MEF2D: variants seen among roughly 807,000 people sequenced by gnomAD.
The protein encoded by MEF2D is myocyte-specific enhancer factor 2D.
MEF2D carries 10 observed loss-of-function variants against 59.3 expected under a neutral mutation model. The observed-to-expected ratio is 0.17, with a 90% CI of 0.10 to 0.29. The LOEUF (loss-of-function observed/expected upper bound fraction) is 0.29, where lower values mean the gene tolerates loss of function less well. Ranked by LOEUF, MEF2D falls within the 10% of genes least tolerant of loss-of-function variation. The pLI is 1.00. For missense variants in MEF2D, 508 were observed against 699.4 expected, an observed-to-expected ratio of 0.73 and a Z score of 3.09; for synonymous variants, 305 against 295.0, an observed-to-expected ratio of 1.03 and a Z score of -0.35.
chr1:156,485,401 T>A (rs1328029270), intron 1 of MEF2D, among the ~76,000 whole-genome samples: 2 of 152,020 alleles, frequency 1.3e-5, no homozygotes, highest in African/African-American at 4.8e-5. Flanking sequence ...ACTGGCCCCA[T>A]CCCATTACCA....
Position 156,468,211 on chromosome 1 carries a change from T to G in MEF2D, c.1336A>C (p.Ser446Arg). The change falls in exon 11 of 12, where the codon AGC becomes CGC. Residue 446 changes from serine (S) to arginine (R), a missense_variant. Coordinates refer to ENST00000348159, the MANE Select transcript of MEF2D (RefSeq NM_005920.4). The surrounding 1 kb of genome is among the most constrained non-coding windows in gnomAD (Gnocchi z 4.3). ...ISIKSEPVSP[S>R]RERSPAPPPP... is the part of the protein sequence containing the mutation. ...GGAGGCGCAGGGCTGCGCTCACGGC[T>G]TGGGGACACCGGTTCTGACTTGATG... 1.2e-6 allele frequency: 2 copies of G among 1,612,650 alleles called. No individual in the cohort carries two copies. The highest frequency in any genetic ancestry group is 1.7e-6 in the Non-Finnish European group (2 of 1,179,140).
chr1:156,467,966 C>T, intron 11 of MEF2D, 27 bp downstream of exon 11: 1 of 1,592,178 alleles, frequency 6.3e-7, no homozygotes. Context: ...CAGACACTGG[C>T]AGACAGGAGA....
chr1:156,470,405 C>T (rs549392109), intron 9 of MEF2D, among the ~76,000 whole-genome samples: 9 of 147,874 alleles, frequency 6.1e-5, no homozygotes, highest in South Asian at 2.1e-4. Flanking sequence ...GGCAACAGAG[C>T]GAGACTCTGT....
At position 156,468,448 on chromosome 1, in the gene MEF2D, G is replaced by A. The variant is rs141938024; in HGVS notation, c.1248-149C>T. 4.5e-4 allele frequency: 288 copies of A among 637,590 alleles called. 1 individual carries two copies. In the East Asian group the frequency reaches 8.0e-3, roughly 18 times the overall value. The allele number at this position is 637,590 out of a possible 1,614,324, so 39.5% of individuals were successfully genotyped here. A position where few individuals can be genotyped will look rare whatever the true frequency, so the allele number is the denominator to read the frequency against. On this transcript the variant is annotated intron_variant, in intron 10 of 11. Transcript: ENST00000348159. The surrounding 1 kb of genome is among the most constrained non-coding windows in gnomAD (Gnocchi z 4.3). The stretch of plus-strand genomic sequence containing the variant: ...GGTGTTGGGGAGAGGCAATTGGATG[G>A]AGAGTGATCAGAAGAGGGTCGAATG...
rs1187054435 is a variant in MEF2D at position 156,464,695 on chromosome 1, C to G, written c.*2950G>C. The G allele has an allele frequency of 6.6e-6, 1 of 152,234 alleles. No homozygotes were observed. Among genetic ancestry groups the G allele is most frequent in the Non-Finnish European group, 1.5e-5 (1 of 68,058 alleles). 9.4% of individuals were successfully genotyped at this position (152,234 alleles called of 1,614,324 possible). A position where few individuals can be genotyped will look rare whatever the true frequency, so the allele number is the denominator to read the frequency against. ...CCAAGAGAAACCTTCGGATACTGAA[C>G]TGCAGAAATGTCACATATTCACAGA... On this transcript the variant is annotated 3_prime_UTR_variant, in exon 12 of 12. Coordinates refer to ENST00000348159, the MANE Select transcript of MEF2D (RefSeq NM_005920.4).
At chr1:156,498,101 TAA>T (rs5777987) in intron 1 of MEF2D, among the ~76,000 whole-genome samples, 487 of 56,032 alleles carry the variant, frequency 8.7e-3, no homozygotes, top group Middle Eastern at 0.04. Context: ...CAGGAAAGAT[TAA>T]AAAAAAAAAA....
In MEF2D at chr1:156,467,565, G is replaced by A. The variant is rs1670928904; in HGVS notation, c.*80C>T. ...GAAAGGAAGTGGGGGTCGAGCGGGA[G>A]GAGCCCGGGGCAGGGAAGGGCGGGC... On this transcript the variant is annotated 3_prime_UTR_variant, in exon 12 of 12. Transcript: ENST00000348159. 4 of 1,195,592 alleles carry A rather than the reference G, an allele frequency of 3.3e-6. No individual in the cohort carries two copies. The Admixed American group carries it at 1.2e-4, about 37-fold the overall frequency. 74.1% of individuals were successfully genotyped at this position (1,195,592 alleles called of 1,614,324 possible).
Position 156,467,555 on chromosome 1 carries a change from T to A in MEF2D, c.*90A>T. 1 of 1,040,268 alleles carries A rather than the reference T, an allele frequency of 9.6e-7. No homozygotes were observed. Among genetic ancestry groups the A allele is most frequent in the Non-Finnish European group, 1.3e-6 (1 of 773,546 alleles). 64.4% of individuals were successfully genotyped at this position (1,040,268 alleles called of 1,614,324 possible). A position where few individuals can be genotyped will look rare whatever the true frequency, so the allele number is the denominator to read the frequency against. On this transcript the variant is annotated 3_prime_UTR_variant, in exon 12 of 12. Transcript: ENST00000348159. ...CGAAGCACAAGAAAGGAAGTGGGGG[T>A]CGAGCGGGAGGAGCCCGGGGCAGGG...
intron 1 of MEF2D, among the ~76,000 whole-genome samples, chr1:156,492,156 C>T (rs1254415664): frequency 6.6e-6 from 1 of 152,240 alleles, no homozygotes; most frequent in Non-Finnish European, 1.5e-5. Context: ...GAATCCCATT[C>T]CCCTCTTTAG....
intron 4 of MEF2D, 160 bp downstream of exon 4, chr1:156,480,674 A>G: frequency 6.4e-7 from 1 of 1,567,522 alleles, no homozygotes; most frequent in Non-Finnish European, 8.6e-7. Context: ...CATTTTATCA[A>G]ACTCCTCGTC....
chr1:156,486,600 T>G (rs1672379150), intron 1 of MEF2D, among the ~76,000 whole-genome samples: 1 of 152,228 alleles, frequency 6.6e-6, no homozygotes, highest in Admixed American at 6.5e-5. Context: ...TGACCAATAC[T>G]GCCTCTTCCT....
At chr1:156,484,785 G>A (rs1205429600) in intron 1 of MEF2D, among the ~76,000 whole-genome samples, 1 of 152,184 alleles carries the variant, frequency 6.6e-6, no homozygotes, top group African/African-American at 2.4e-5. Context: ...GGGGGCTCAA[G>A]GATGGCAGCA....
At chr1:156,484,303 T>C (rs927148666) in intron 1 of MEF2D, 6 of 152,334 alleles carry the variant, frequency 3.9e-5, no homozygotes, top group South Asian at 2.1e-4. Flanking sequence ...TTGGGCCAGA[T>C]AGTAATATTT....
chr1:156,486,053 T>C (rs1489462068), intron 1 of MEF2D, among the ~76,000 whole-genome samples: 2 of 152,138 alleles, frequency 1.3e-5, no homozygotes, highest in African/African-American at 4.8e-5. Context: ...TTTCACCATG[T>C]TGGACAGGTT....
rs1317997312 is a variant in MEF2D at position 156,500,647 on chromosome 1, C to T, written c.-300G>A. ...CTGGGCGGCGCCGTGAGGCCTGGGCCCCCGTCGTGGGCGCGGGGGCCAGCA... is the reference window on the plus strand; with the variant it reads ...CTGGGCGGCGCCGTGAGGCCTGGGCTCCCGTCGTGGGCGCGGGGGCCAGCA... On this transcript the variant is annotated 5_prime_UTR_variant, in exon 1 of 12. Transcript: ENST00000348159. The T allele has an allele frequency of 6.6e-6, 1 of 151,866 alleles. No individual in the cohort carries two copies. Among genetic ancestry groups the T allele is most frequent in the Admixed American group, 6.6e-5 (1 of 15,258 alleles). The allele number at this position is 151,866 out of a possible 1,614,324, so 9.4% of individuals were successfully genotyped here.
intron 9 of MEF2D, among the ~76,000 whole-genome samples, chr1:156,469,624 C>T (rs1256960871): frequency 6.6e-6 from 1 of 150,408 alleles, no homozygotes; most frequent in Non-Finnish European, 1.5e-5. Context: ...GCGAGTGGCT[C>T]ATGTCTATAA....
Position 156,464,712 on chromosome 1 carries a change from A to G in MEF2D, c.*2933T>C, listed in dbSNP as rs1571204270. ...ATACTGAACTGCAGAAATGTCACATATTCACAGACCACCCCATCCCCAGGG... is the reference window on the plus strand; with the variant it reads ...ATACTGAACTGCAGAAATGTCACATGTTCACAGACCACCCCATCCCCAGGG... On this transcript the variant is annotated 3_prime_UTR_variant, in exon 12 of 12. Transcript: ENST00000348159. 1.3e-5 allele frequency: 2 copies of G among 152,320 alleles called. No individual in the cohort carries two copies. The highest frequency in any genetic ancestry group is 3.9e-4 in the East Asian group (2 of 5,174). 9.4% of individuals were successfully genotyped at this position (152,320 alleles called of 1,614,324 possible). A position where few individuals can be genotyped will look rare whatever the true frequency, so the allele number is the denominator to read the frequency against.
rs549483425 is a variant in MEF2D at position 156,496,651 on chromosome 1, T to G, written c.-139+3835A>C. Among the ~76,000 whole-genome samples the G allele has an allele frequency of 1.1e-4, 17 of 152,182 alleles. 1 individual carries two copies. Among genetic ancestry groups the G allele is most frequent in the African/African-American group, 4.1e-4 (17 of 41,498 alleles). ...GGTCCCCTCAACCCCATCCCAACTC[T>G]CCAATCCTTTAATCATCTTTGCCAT... On this transcript the variant is annotated intron_variant, in intron 1 of 11. Coordinates refer to ENST00000348159, the MANE Select transcript of MEF2D (RefSeq NM_005920.4).
chr1:156,474,521 G>C (rs188998226), intron 9 of MEF2D, among the ~76,000 whole-genome samples: 1 of 152,326 alleles, frequency 6.6e-6, no homozygotes, highest in Admixed American at 6.5e-5. Context: ...TAATTTGTTA[G>C]CATGAGTATG....
Sources: gnomAD v4.1 joint callset for allele counts (sites outside exome capture counted in the v4.1 genomes callset) on GRCh38, gnomAD v4.1.1 for gene constraint, Gnocchi (gnomAD v3.1) non-coding constraint, MANE v1.5 for transcripts, NCBI Gene and HGNC (gene_info 2026-07-23, HGNC 2026-07-21) for gene names.